PTPRM: variants seen among roughly 807,000 people sequenced by gnomAD.
PTPRM encodes protein tyrosine phosphatase receptor type M.
A neutral mutation model predicts 186.7 loss-of-function variants in PTPRM; 47 were observed. That is an observed-to-expected ratio of 0.25 (90% CI 0.20 to 0.32). The LOEUF (loss-of-function observed/expected upper bound fraction) is 0.32. Among genes scored for constraint, PTPRM ranks in the 10% least tolerant of loss-of-function variants. PTPRM has a pLI of 1.00. For missense variants in PTPRM, 1,494 were observed against 1,865.0 expected (o/e 0.80, Z 3.66); for synonymous variants, 668 against 674.9 (o/e 0.99, Z 0.16).
intron 2 of PTPRM, among the ~76,000 whole-genome samples, chr18:7,789,545 A>G (rs984365679): frequency 6.6e-6 from 1 of 152,044 alleles, no homozygotes; most frequent in African/African-American, 2.4e-5. Flanking sequence ...TTGGCTACCC[A>G]TTATGGTGGT....
chr18:7,997,282 T>C (rs998315229), intron 7 of PTPRM, among the ~76,000 whole-genome samples: 1 of 151,956 alleles, frequency 6.6e-6, no homozygotes, highest in Non-Finnish European at 1.5e-5. Context: ...GAGCATACGA[T>C]AGGGAGATGA....
At chr18:8,077,180 T>G (rs1276002151) in intron 9 of PTPRM, among the ~76,000 whole-genome samples, 1 of 152,188 alleles carries the variant, frequency 6.6e-6, no homozygotes, top group African/African-American at 2.4e-5. Flanking sequence ...TGTGCAAGCA[T>G]CATTTCACTA....
At chr18:8,360,846 A>T (rs535253673) in intron 23 of PTPRM, 2 of 152,350 alleles carry the variant, frequency 1.3e-5, no homozygotes, top group African/African-American at 4.8e-5. Context: ...AGATGTCTTT[A>T]TTCTAGAGTA....
At chr18:7,865,730 C>T (rs772656962) in intron 2 of PTPRM, among the ~76,000 whole-genome samples, 48 of 152,018 alleles carry the variant, frequency 3.2e-4, no homozygotes, top group Admixed American at 3.1e-3. Flanking sequence ...CCTTCTTTTT[C>T]TCTTGTTTGG....
intron 1 of PTPRM, chr18:7,741,247 A>T (rs556462913): frequency 6.6e-6 from 1 of 152,288 alleles, no homozygotes; most frequent in East Asian, 1.9e-4. Flanking sequence ...TGTTCCGTGA[A>T]CATGTTCTTT....
chr18:8,140,622 G>A (rs933941654), intron 13 of PTPRM, among the ~76,000 whole-genome samples: 1 of 151,896 alleles, frequency 6.6e-6, no homozygotes, highest in South Asian at 2.1e-4. Context: ...TATGATTTTA[G>A]CAGTCTCTTA....
intron 14 of PTPRM, among the ~76,000 whole-genome samples, chr18:8,164,420 A>G (rs1057401447): frequency 6.6e-6 from 1 of 152,244 alleles, no homozygotes; most frequent in Non-Finnish European, 1.5e-5. Context: ...AGTATTATTC[A>G]TGATAGCTGA....
intron 19 of PTPRM, among the ~76,000 whole-genome samples, chr18:8,277,918 T>C (rs2094855012): frequency 6.6e-6 from 1 of 152,228 alleles, no homozygotes; most frequent in Non-Finnish European, 1.5e-5. Context: ...TATCTGTAAG[T>C]ACACATGAGT....
chr18:8,037,418 A>G (rs1331436809), intron 7 of PTPRM, among the ~76,000 whole-genome samples: 2 of 152,158 alleles, frequency 1.3e-5, no homozygotes, highest in Non-Finnish European at 2.9e-5. Context: ...ACGTGATTTT[A>G]CTATTTAATT....
chr18:8,394,342 G>C, intron 31 of PTPRM, 134 bp from the exon 32 acceptor site: 1 of 978,276 alleles, frequency 1.0e-6, no homozygotes, highest in Non-Finnish European at 1.4e-6. Flanking sequence ...ATCTGCCCAG[G>C]TAAGAGGTCC....
chr18:8,250,022 T>C (rs756013351), intron 17 of PTPRM, among the ~76,000 whole-genome samples: 3 of 152,188 alleles, frequency 2.0e-5, no homozygotes, highest in African/African-American at 7.2e-5. Flanking sequence ...ATTTAAGATA[T>C]ATATATCTAC....
chr18:7,860,069 TTTTTA>T, intron 2 of PTPRM, among the ~76,000 whole-genome samples: 1 of 151,510 alleles, frequency 6.6e-6, no homozygotes, highest in South Asian at 2.1e-4. Flanking sequence ...TTTTTAAATG[TTTTTA>T]TTTTATTTTT....
intron 1 of PTPRM, among the ~76,000 whole-genome samples, chr18:7,639,291 C>T (rs1473049024): frequency 6.6e-6 from 1 of 151,748 alleles, no homozygotes; most frequent in Non-Finnish European, 1.5e-5. Flanking sequence ...AGAATCGTCT[C>T]GATCTCCTGA....
chr18:8,345,292 A>G (rs1053005775), intron 23 of PTPRM, among the ~76,000 whole-genome samples: 6 of 152,350 alleles, frequency 3.9e-5, no homozygotes, highest in Middle Eastern at 3.4e-3. Context: ...AACAGCACAG[A>G]AGCAATAACA....
At chr18:8,178,198 G>A (rs997495666) in intron 14 of PTPRM, among the ~76,000 whole-genome samples, 2 of 152,022 alleles carry the variant, frequency 1.3e-5, no homozygotes, top group Admixed American at 1.3e-4. Context: ...CCACCCTCTC[G>A]TTTCTTCTGA....
intron 2 of PTPRM, among the ~76,000 whole-genome samples, chr18:7,795,294 C>G (rs1186951338): frequency 6.6e-6 from 1 of 152,132 alleles, no homozygotes. Flanking sequence ...GTTCATCAGC[C>G]TTTCAGCTGT....
chr18:8,403,418 G>A (rs1265193353), intron 32 of PTPRM: 2 of 152,046 alleles, frequency 1.3e-5, no homozygotes, highest in Non-Finnish European at 2.9e-5. Context: ...TACCTGTTGG[G>A]TATAACATTC....
intron 1 of PTPRM, among the ~76,000 whole-genome samples, chr18:7,703,606 T>C (rs1373236339): frequency 2.6e-5 from 4 of 152,222 alleles, no homozygotes; most frequent in African/African-American, 9.6e-5. Flanking sequence ...TATACAATCA[T>C]GTCCTCTGCA....
At chr18:7,972,964 T>G (rs1322014772) in intron 7 of PTPRM, among the ~76,000 whole-genome samples, 1 of 152,196 alleles carries the variant, frequency 6.6e-6, no homozygotes, top group Non-Finnish European at 1.5e-5. Flanking sequence ...ATGTTATTCA[T>G]CAGCTTGATT....
Sources: gnomAD v4.1 joint callset for allele counts (sites outside exome capture counted in the v4.1 genomes callset) on GRCh38, gnomAD v4.1.1 for gene constraint, MANE v1.5 for transcripts, NCBI Gene and HGNC (gene_info 2026-07-23, HGNC 2026-07-21) for gene names.